Variants in LCN12 observed in about 807,000 individuals in gnomAD.
LCN12 encodes the protein lipocalin 12.
LCN12 carries 15 observed loss-of-function variants against 23.7 expected under a neutral mutation model. The ratio of observed to expected loss-of-function variants is 0.63; its 90% CI spans 0.42 to 0.97. The LOEUF (loss-of-function observed/expected upper bound fraction) is 0.97. Ranked by LOEUF, LCN12 falls within the 50% of genes least tolerant of loss-of-function variation. The probability of loss-of-function intolerance (pLI) is 0.00; values close to 1 mark genes in which losing one functional copy is unlikely to be tolerated. For missense variants in LCN12, 219 were observed against 249.6 expected (o/e 0.88, Z 0.83); for synonymous variants, 116 against 111.5 (o/e 1.04, Z -0.25).
chr9:136,952,820 G>T, intron 1 of LCN12, 72 bp from the exon 2 acceptor site: 1 of 1,553,956 alleles, frequency 6.4e-7, no homozygotes. Flanking sequence ...CAGGGAGGGC[G>T]GGAGGGGGCT....
upstream of LCN12, among the ~76,000 whole-genome samples, chr9:136,950,317 AC>A (rs938719973): frequency 6.6e-6 from 1 of 151,736 alleles, no homozygotes; most frequent in African/African-American, 2.4e-5. Flanking sequence ...GCACACACAG[AC>A]CCCCCAGGGC....
rs777895857 is a variant in LCN12, at chr9:136,953,852, C to T, written c.336C>T (p.Pro112=). The change falls in exon 4 of 6, where the codon CCC becomes CCT. Residue 112 remains proline (P), a synonymous_variant. Transcript: ENST00000371633. ...GQFTVDHGVE[P]GADREETRVV... ...GTGACGTCTGTGCCGCCTCAGAGCC[C>T]GGGGCGGACAGAGAGGAGACCCGGG... The T allele has an allele frequency of 7.0e-5, 112 of 1,599,738 alleles. No homozygotes were observed. Among genetic ancestry groups the T allele is most frequent in the Admixed American group, 3.1e-4 (18 of 57,582 alleles).
intron 2 of LCN12, 175 bp downstream of exon 2, chr9:136,953,203 C>G (rs1378892104): frequency 1.2e-6 from 1 of 814,126 alleles, no homozygotes; most frequent in South Asian, 1.7e-5. Flanking sequence ...GGCAGCTGGG[C>G]GCGCTGGCTC....
upstream of LCN12, among the ~76,000 whole-genome samples, chr9:136,949,903 G>A (rs1851107981): frequency 6.6e-6 from 1 of 152,144 alleles, no homozygotes; most frequent in African/African-American, 2.4e-5. Context: ...CCTCCCCGTG[G>A]CACGCAAGCT....
In LCN12 at chr9:136,954,149, T is replaced by C. The variant is rs1227086832; in HGVS notation, c.449-5T>C. 6.5e-7 allele frequency: 1 copy of C among 1,548,296 alleles called. No individual in the cohort carries two copies. The highest frequency in any genetic ancestry group is 1.4e-5 in the African/African-American group (1 of 73,556). On this transcript the variant is annotated splice_polypyrimidine_tract_variant and splice_region_variant and intron_variant, in intron 4 of 5. Coordinates refer to ENST00000371633, the MANE Select transcript of LCN12 (RefSeq NM_178536.4). ...CAGACCCATGCTGGGCTCCCTGGGCTGCAGGCAGGAGCTGGTTGCTGCCTC... is the reference window on the plus strand; with the variant it reads ...CAGACCCATGCTGGGCTCCCTGGGCCGCAGGCAGGAGCTGGTTGCTGCCTC...
Position 136,954,148 on chromosome 9 carries a change from C to A in LCN12, c.449-6C>A. The A allele has an allele frequency of 6.5e-7, 1 of 1,546,892 alleles. No homozygotes were observed. Among genetic ancestry groups the A allele is most frequent in the Non-Finnish European group, 8.7e-7 (1 of 1,144,382 alleles). ...ACAGACCCATGCTGGGCTCCCTGGG[C>A]TGCAGGCAGGAGCTGGTTGCTGCCT... On this transcript the variant is annotated splice_polypyrimidine_tract_variant and splice_region_variant and intron_variant, in intron 4 of 5. Coordinates refer to ENST00000371633, the MANE Select transcript of LCN12 (RefSeq NM_178536.4).
chr9:136,954,130 C>T, intron 4 of LCN12, 24 bp from the exon 5 acceptor site: 1 of 1,535,128 alleles, frequency 6.5e-7, no homozygotes, highest in Non-Finnish European at 8.8e-7. Flanking sequence ...TGCACAGACC[C>T]ATGCTGGGCT....
chr9:136,954,663 G>C, intron 5 of LCN12: 1 of 1,238,916 alleles, frequency 8.1e-7, no homozygotes, highest in Non-Finnish European at 1.1e-6. Flanking sequence ...TGGGTCCCCT[G>C]TCCTGGGCCA....
At chr9:136,954,029 G>T in intron 4 of LCN12, 65 bp downstream of exon 4, 1 of 1,577,328 alleles carries the variant, frequency 6.3e-7, no homozygotes, top group East Asian at 2.3e-5. Flanking sequence ...CAGGCTTTGG[G>T]TCAGACCCTG....
chr9:136,952,187 C>T, upstream of LCN12: 2 of 674,462 alleles, frequency 3.0e-6, no homozygotes, highest in Non-Finnish European at 5.3e-6. Context: ...CCTCTCCTGC[C>T]AGTCCTGAGG....
upstream of LCN12, among the ~76,000 whole-genome samples, chr9:136,951,679 T>G (rs12551097): frequency 0.21 from 32,395 of 152,250 alleles, 3,677 homozygotes; most frequent in Non-Finnish European, 0.24. Context: ...CCTCACCAGG[T>G]TGCCTGGGTG....
In LCN12 at chr9:136,953,913, C is replaced by G. The variant is rs1400098682; in HGVS notation, c.397C>G (p.Leu133Val). Reference protein sequence around the residue: ...DSDYTQFALMLSRRHTSRLAV... With the variant: ...DSDYTQFALMVSRRHTSRLAV... ...CGACTACACCCAGTTCGCCCTGATG[C>G]TGTCCCGCAGACACACGAGCAGGCT... The change falls in exon 4 of 6, where the codon CTG becomes GTG. Residue 133 changes from leucine to valine, a missense_variant. Coordinates refer to ENST00000371633, the MANE Select transcript of LCN12 (RefSeq NM_178536.4). The G allele has an allele frequency of 1.2e-6, 2 of 1,611,580 alleles. No individual in the cohort carries two copies. The highest frequency in any genetic ancestry group is 1.7e-6 in the Non-Finnish European group (2 of 1,179,720).
Position 136,955,384 on chromosome 9 carries a change from G to T in LCN12, c.564G>T (p.Gln188His). The change falls in exon 6 of 6, where the codon CAG becomes CAT. Residue 188 changes from glutamine (Q) to histidine (H), a missense_variant. By Grantham distance (24) the Gln-to-His change is conservative. Coordinates refer to ENST00000371633, the MANE Select transcript of LCN12 (RefSeq NM_178536.4). ...CTCCCCCACCAGGCTGGTCACCCCA[G>T]GCCAGCGTCTGTTGAAGGATGAAGC... ...VFPDVTGWSP[Q>H]ASVC is the part of the protein sequence containing the mutation. 2 of 1,613,256 alleles carry T rather than the reference G, an allele frequency of 1.2e-6. No homozygotes were observed. Among genetic ancestry groups the T allele is most frequent in the Non-Finnish European group, 1.7e-6 (2 of 1,179,776 alleles).
chr9:136,954,884 G>A (rs1349093077), intron 5 of LCN12: 9 of 1,231,204 alleles, frequency 7.3e-6, no homozygotes, highest in South Asian at 2.8e-5. Context: ...TCTGATTCCC[G>A]CCTCTGGTCC....
chr9:136,953,107 G>T, intron 2 of LCN12, 79 bp downstream of exon 2: 1 of 1,572,046 alleles, frequency 6.4e-7, no homozygotes. Flanking sequence ...GCTCAGGTGC[G>T]CCATGGGCCC....
intron 1 of LCN12, 40 bp from the exon 2 acceptor site, chr9:136,952,852 C>G (rs1287951864): frequency 2.5e-6 from 4 of 1,595,554 alleles, no homozygotes; most frequent in East Asian, 4.5e-5. Flanking sequence ...CCACTGCCAC[C>G]CCTGCCCACC....
chr9:136,951,987 G>C (rs907467414), upstream of LCN12, among the ~76,000 whole-genome samples: 1 of 152,222 alleles, frequency 6.6e-6, no homozygotes, highest in Non-Finnish European at 1.5e-5. Context: ...GGCAGGCTGC[G>C]TGGGGCCTCT....
In LCN12 at chr9:136,954,983, TACAC is replaced by T. The variant is rs1002351545; in HGVS notation, c.551-383_551-380del. The T allele has an allele frequency of 4.5e-5, 60 of 1,321,938 alleles. No individual in the cohort carries two copies. In the African/African-American group the frequency reaches 4.9e-4, roughly 11 times the overall value. 81.9% of individuals were successfully genotyped at this position (1,321,938 alleles called of 1,614,324 possible). A position where few individuals can be genotyped will look rare whatever the true frequency, so the allele number is the denominator to read the frequency against. On this transcript the variant is annotated intron_variant, in intron 5 of 5. Transcript: ENST00000371633. ...ATGCCTCCACATGCGAACACCCACT[TACAC>T]ACACGCCACTCACACTGGCACACAT...
Position 136,952,459 on chromosome 9 carries a change from G to C in LCN12, c.114+18G>C, listed in dbSNP as rs1261813308. 6.4e-7 allele frequency: 1 copy of C among 1,560,548 alleles called. No homozygotes were observed. Among genetic ancestry groups the C allele is most frequent in the Non-Finnish European group, 8.8e-7 (1 of 1,133,294 alleles). The stretch of plus-strand genomic sequence containing the variant: ...GAAACCAGGTACAGGGGTTTTGACG[G>C]AAGGAGAAGCAGCCGGCTGGGTCTG... On this transcript the variant is annotated intron_variant, in intron 1 of 5. Coordinates refer to ENST00000371633, the MANE Select transcript of LCN12 (RefSeq NM_178536.4).
Sources: allele counts gnomAD v4.1 joint callset (sites outside exome capture counted in the v4.1 genomes callset), GRCh38; gene constraint gnomAD v4.1.1; transcripts MANE v1.5; gene names NCBI Gene and HGNC (gene_info 2026-07-23, HGNC 2026-07-21).